Variants in ITGA9 observed in about 807,000 individuals in gnomAD.
ITGA9 encodes integrin alpha-9.
ITGA9 carries 56 observed loss-of-function variants against 127.8 expected under a neutral mutation model. The ratio of observed to expected loss-of-function variants is 0.44; its 90% confidence interval spans 0.35 to 0.55. ITGA9 has a LOEUF of 0.55. Among genes scored for constraint, ITGA9 ranks in the 20% least tolerant of loss-of-function variants. The pLI is 0.00. For missense variants in ITGA9, 1,196 were observed against 1,347.1 expected (o/e 0.89, Z 1.76); for synonymous variants, 508 against 514.5 (o/e 0.99, Z 0.17).
intron 18 of ITGA9, among the ~76,000 whole-genome samples, chr3:37,686,978 C>T (rs1260904706): frequency 6.6e-6 from 1 of 152,156 alleles, no homozygotes; most frequent in Non-Finnish European, 1.5e-5. Flanking sequence ...ACAGGCCTAA[C>T]AGGACCAACA....
intron 4 of ITGA9, among the ~76,000 whole-genome samples, chr3:37,493,941 T>C (rs1258027104): frequency 6.6e-6 from 1 of 152,216 alleles, no homozygotes; most frequent in African/African-American, 2.4e-5. Flanking sequence ...TAGTTTTCTT[T>C]CCACCTGGAG....
intron 23 of ITGA9, among the ~76,000 whole-genome samples, chr3:37,761,934 G>A (rs1275167370): frequency 5.3e-5 from 8 of 152,166 alleles, no homozygotes; most frequent in Non-Finnish European, 8.8e-5. Flanking sequence ...CTGAGAATTC[G>A]CAGCCCCTCT....
At chr3:37,461,472 A>G (rs965315391) in intron 1 of ITGA9, among the ~76,000 whole-genome samples, 10 of 152,356 alleles carry the variant, frequency 6.6e-5, no homozygotes, top group South Asian at 2.1e-4. Flanking sequence ...AACACGGCAC[A>G]CAGTAAGCCC....
At chr3:37,758,562 TATG>T (rs1696684040) in intron 23 of ITGA9, among the ~76,000 whole-genome samples, 2 of 151,598 alleles carry the variant, frequency 1.3e-5, no homozygotes, top group Admixed American at 6.6e-5. Flanking sequence ...AACATTTATT[TATG>T]ATATTTTATT....
chr3:37,786,967 A>G (rs17036978), intron 26 of ITGA9, among the ~76,000 whole-genome samples: 3,828 of 152,322 alleles, frequency 0.025, 167 homozygotes, highest in South Asian at 0.12. Flanking sequence ...AATTTTAATG[A>G]TAGAAACCAA....
intron 13 of ITGA9, among the ~76,000 whole-genome samples, chr3:37,528,253 A>G (rs143286752): frequency 6.6e-6 from 1 of 152,214 alleles, no homozygotes; most frequent in East Asian, 1.9e-4. Context: ...GAGTTTGCTC[A>G]CATATGGATG....
chr3:37,750,638 C>A, intron 23 of ITGA9, 69 bp downstream of exon 23: 1 of 1,077,324 alleles, frequency 9.3e-7, no homozygotes, highest in Non-Finnish European at 1.4e-6. Context: ...TTGTATTCCA[C>A]CCTACCCTGA....
Position 37,820,746 on chromosome 3 carries a change from G to A in ITGA9, c.*1757G>A, listed in dbSNP as rs998189025. 1 of 152,164 alleles carries A rather than the reference G, an allele frequency of 6.6e-6. No homozygotes were observed. The highest frequency in any genetic ancestry group is 1.5e-5 in the Non-Finnish European group (1 of 68,052). The allele number at this position is 152,164 out of a possible 1,614,324, so 9.4% of individuals were successfully genotyped here. A position where few individuals can be genotyped will look rare whatever the true frequency, so the allele number is the denominator to read the frequency against. ...CATGGGGCTAAGAGCAGGGTCTAACGGAGTCTTAATGGCTTATTACAGCCT... is the reference window on the plus strand; with the variant it reads ...CATGGGGCTAAGAGCAGGGTCTAACAGAGTCTTAATGGCTTATTACAGCCT... On this transcript the variant is annotated 3_prime_UTR_variant, in exon 28 of 28. Transcript: ENST00000264741.
chr3:37,533,331 C>A lies in ITGA9; in HGVS notation c.1391C>A (p.Thr464Lys). The A allele has an allele frequency of 6.2e-7, 1 of 1,614,144 alleles. No individual in the cohort carries two copies. The highest frequency in any genetic ancestry group is 8.5e-7 in the Non-Finnish European group (1 of 1,180,010). ...CCCTGCAGAGCAAGGCCTGTCATTA[C>A]GGTGGATGTCTCCATCTTCCTCCCG... is the stretch of plus-strand genomic sequence containing the variant. ...VVLLRARPVI[T>K]VDVSIFLPGS... Residue 464 changes from threonine to lysine, a missense_variant, in exon 14 of 28, where the codon ACG (threonine) becomes AAG (lysine). Transcript: ENST00000264741.
chr3:37,681,086 C>G (rs910562669), intron 17 of ITGA9, among the ~76,000 whole-genome samples: 1 of 152,182 alleles, frequency 6.6e-6, no homozygotes, highest in Admixed American at 6.5e-5. Flanking sequence ...TTCCACCCCC[C>G]CAGAAATTAG....
intron 17 of ITGA9, among the ~76,000 whole-genome samples, chr3:37,654,198 A>AC (rs1700455590): frequency 6.8e-6 from 1 of 146,318 alleles, no homozygotes; most frequent in African/African-American, 2.5e-5. Flanking sequence ...CTCCACACAC[A>AC]CACACACACA....
At chr3:37,659,983 A>AACACACACAC (rs10694969) in intron 17 of ITGA9, among the ~76,000 whole-genome samples, 20 of 150,042 alleles carry the variant, frequency 1.3e-4, no homozygotes, top group Middle Eastern at 3.4e-3. Flanking sequence ...AAGATGATGT[A>AACACACACAC]ACACACACAC....
chr3:37,544,256 T>C (rs185016709), intron 15 of ITGA9, among the ~76,000 whole-genome samples: 1 of 152,262 alleles, frequency 6.6e-6, no homozygotes, highest in Admixed American at 6.5e-5. Flanking sequence ...GGAAGGGCTG[T>C]TTCTATGGTG....
rs143011839 is a variant in ITGA9 at position 37,747,931 on chromosome 3, G to A, written c.2434-2531G>A. On this transcript the variant is annotated intron_variant, in intron 22 of 27. Transcript: ENST00000264741. The stretch of plus-strand genomic sequence containing the variant: ...GGAGAGGGGGTCGGGTTTTAGATAC[G>A]GGGTTTCACCACGTTGCCCAGCTGG... 3.9e-5 allele frequency among the ~76,000 whole-genome samples: 6 copies of A among 151,954 alleles called. No homozygotes were observed. The East Asian group carries it at 5.8e-4, about 15-fold the overall frequency.
chr3:37,609,886 A>G (rs1199445085), intron 15 of ITGA9, among the ~76,000 whole-genome samples: 2 of 152,254 alleles, frequency 1.3e-5, no homozygotes, highest in Non-Finnish European at 2.9e-5. Flanking sequence ...ATTGGACCCT[A>G]CATTTGATGG....
At chr3:37,517,391 A>G (rs1698994095) in intron 9 of ITGA9, 113 bp from the exon 10 acceptor site, 10 of 831,092 alleles carry the variant, frequency 1.2e-5, no homozygotes, top group Non-Finnish European at 1.6e-5. Context: ...TTTCCTGTCA[A>G]TGAGTGTGCT....
At chr3:37,748,851 A>T in intron 22 of ITGA9, 1 of 1,208,496 alleles carries the variant, frequency 8.3e-7, no homozygotes, top group Non-Finnish European at 1.2e-6. Context: ...GTGAGAACCA[A>T]TGGGAAGGAG....
chr3:37,668,012 G>A (rs543996466), intron 17 of ITGA9, among the ~76,000 whole-genome samples: 20 of 152,220 alleles, frequency 1.3e-4, no homozygotes, highest in Non-Finnish European at 2.2e-4. Flanking sequence ...TGTAGGGACC[G>A]CCACCCAAGG....
intron 18 of ITGA9, among the ~76,000 whole-genome samples, chr3:37,725,272 G>T (rs1305043722): frequency 2.0e-5 from 3 of 152,178 alleles, no homozygotes; most frequent in Non-Finnish European, 4.4e-5. Context: ...TCTGACTCCA[G>T]GACTATCCAT....
Sources: allele counts gnomAD v4.1 joint callset (sites outside exome capture counted in the v4.1 genomes callset), GRCh38; gene constraint gnomAD v4.1.1; transcripts MANE v1.5; gene names NCBI Gene and HGNC (gene_info 2026-07-23, HGNC 2026-07-21).